Variants in RPRD1A observed in about 807,000 individuals in gnomAD.
RPRD1A encodes the protein regulation of nuclear pre-mRNA domain containing 1A, also known as regulation of nuclear pre-mRNA domain-containing protein 1A.
RPRD1A carries 9 observed loss-of-function variants against 37.8 expected under a neutral mutation model. The observed-to-expected ratio is 0.24, with a 90% CI of 0.14 to 0.42. The LOEUF (loss-of-function observed/expected upper bound fraction) is 0.42, where lower values mean the gene tolerates loss of function less well. RPRD1A is among the 10% of genes least tolerant of loss of function. The pLI, the probability that RPRD1A is intolerant of heterozygous loss-of-function variation, is 1.00. For synonymous variants in RPRD1A, 138 were observed against 139.7 expected (o/e 0.99, Z 0.08); for missense variants, 255 against 371.0 (o/e 0.69, Z 2.57).
chr18:36,056,592 T>C (rs1913786470), intron 1 of RPRD1A, among the ~76,000 whole-genome samples: 1 of 151,882 alleles, frequency 6.6e-6, no homozygotes, highest in Non-Finnish European at 1.5e-5. Flanking sequence ...CCAGCCTTTT[T>C]TGCCTTTTAA....
At chr18:36,024,388 T>C (rs1738434404) in intron 6 of RPRD1A, among the ~76,000 whole-genome samples, 1 of 150,406 alleles carries the variant, frequency 6.6e-6, no homozygotes, top group Admixed American at 6.7e-5. Context: ...ACTCCTGACC[T>C]CAAGTGATTC....
chr18:36,058,549 G>A (rs1235495735), intron 1 of RPRD1A, among the ~76,000 whole-genome samples: 6 of 152,090 alleles, frequency 3.9e-5, no homozygotes, highest in African/African-American at 1.4e-4. Flanking sequence ...TAACGTCACA[G>A]GAAAGAGAAC....
intron 1 of RPRD1A, 123 bp downstream of exon 1, chr18:36,067,131 C>G: frequency 9.5e-7 from 1 of 1,048,380 alleles, no homozygotes; most frequent in Non-Finnish European, 1.4e-6. Flanking sequence ...TCCAAGCCCG[C>G]AGACCACCGC....
intron 6 of RPRD1A, among the ~76,000 whole-genome samples, chr18:36,020,102 G>GC (rs1385696934): frequency 1.3e-5 from 2 of 152,182 alleles, no homozygotes; most frequent in Non-Finnish European, 2.9e-5. Flanking sequence ...GAGGACAGCT[G>GC]CAACAGGAAA....
intron 1 of RPRD1A, among the ~76,000 whole-genome samples, chr18:36,065,374 T>G (rs1209391869): frequency 6.6e-6 from 1 of 152,240 alleles, no homozygotes; most frequent in African/African-American, 2.4e-5. Context: ...GCAGCTCTAG[T>G]CCATTCGTGA....
rs952916769 is a variant in RPRD1A at position 36,046,308 on chromosome 18, G to A, written c.152-12471C>T. On this transcript the variant is annotated intron_variant, in intron 1 of 6. Transcript: ENST00000399022. ...GAACCTAGACTTCCAATCCCACTCA[G>A]CAATAAAGAAACACTCCCCACTGGG... is the stretch of plus-strand genomic sequence containing the variant. 2.0e-5 allele frequency among the ~76,000 whole-genome samples: 3 copies of A among 151,996 alleles called. No homozygotes were observed. The East Asian group carries it at 5.8e-4, about 29-fold the overall frequency.
chr18:36,043,603 T>G (rs1190380801), intron 1 of RPRD1A, among the ~76,000 whole-genome samples: 1 of 152,186 alleles, frequency 6.6e-6, no homozygotes, highest in African/African-American at 2.4e-5. Context: ...CACTGTCAAC[T>G]GGAACAGTTA....
At chr18:36,051,781 T>C (rs1368797304) in intron 1 of RPRD1A, among the ~76,000 whole-genome samples, 1 of 151,936 alleles carries the variant, frequency 6.6e-6, no homozygotes, top group Non-Finnish European at 1.5e-5. Context: ...TTGAAGACAA[T>C]TAAAATTATT....
intron 4 of RPRD1A, among the ~76,000 whole-genome samples, chr18:36,028,882 T>C (rs1359663760): frequency 6.6e-6 from 1 of 152,226 alleles, no homozygotes; most frequent in Non-Finnish European, 1.5e-5. Flanking sequence ...GAGAGGCAGA[T>C]GATTACTTAA....
At chr18:36,006,478 G>C (rs1369413173) in intron 6 of RPRD1A, among the ~76,000 whole-genome samples, 1 of 152,244 alleles carries the variant, frequency 6.6e-6, no homozygotes, top group African/African-American at 2.4e-5. Flanking sequence ...TTACAGGCAT[G>C]AGCCACTGTG....
At chr18:36,022,975 A>T (rs771387690) in intron 6 of RPRD1A, among the ~76,000 whole-genome samples, 89 of 152,284 alleles carry the variant, frequency 5.8e-4, no homozygotes, top group Middle Eastern at 6.8e-3. Context: ...TAACAATAAT[A>T]AAAAATTACT....
At chr18:36,046,279 T>C (rs932963089) in intron 1 of RPRD1A, among the ~76,000 whole-genome samples, 1 of 151,968 alleles carries the variant, frequency 6.6e-6, no homozygotes, top group African/African-American at 2.4e-5. Flanking sequence ...GAAAGCAAAG[T>C]AGGGAACCTA....
At chr18:36,062,323 CAA>C (rs752980996) in intron 1 of RPRD1A, among the ~76,000 whole-genome samples, 1 of 40,632 alleles carries the variant, frequency 2.5e-5, no homozygotes, top group Non-Finnish European at 4.7e-5. Flanking sequence ...GACTCCGTCT[CAA>C]AAAAAAAAAA....
intron 1 of RPRD1A, among the ~76,000 whole-genome samples, chr18:36,051,172 G>C (rs953394722): frequency 6.6e-6 from 1 of 152,098 alleles, no homozygotes; most frequent in African/African-American, 2.4e-5. Context: ...TTAATGATTA[G>C]GTGCTACTGG....
chr18:35,993,136 A>C lies in RPRD1A; in HGVS notation c.*15T>G. Reference sequence around the variant, plus strand: ...TCTCTTGCAAAGTCCTGGGACCTGGAAAGAGGCTGGTCCATCAATCTTCAC... The same window carrying C: ...TCTCTTGCAAAGTCCTGGGACCTGGCAAGAGGCTGGTCCATCAATCTTCAC... On this transcript the variant is annotated 3_prime_UTR_variant, in exon 7 of 7. Transcript: ENST00000399022. The C allele has an allele frequency of 6.2e-7, 1 of 1,611,728 alleles. No individual in the cohort carries two copies. Among genetic ancestry groups the C allele is most frequent in the Non-Finnish European group, 8.5e-7 (1 of 1,178,732 alleles).
intron 4 of RPRD1A, among the ~76,000 whole-genome samples, chr18:36,030,028 G>A (rs1011622360): frequency 6.6e-6 from 1 of 151,066 alleles, no homozygotes; most frequent in Non-Finnish European, 1.5e-5. Flanking sequence ...GGATGGTCTC[G>A]ATCTCCTGAC....
At chr18:36,019,769 G>A (rs1217433462) in intron 6 of RPRD1A, among the ~76,000 whole-genome samples, 4 of 152,188 alleles carry the variant, frequency 2.6e-5, no homozygotes, top group Non-Finnish European at 5.9e-5. Context: ...GCCGGGTGTG[G>A]TGGCTCACGC....
chr18:36,058,621 G>A (rs550762484), intron 1 of RPRD1A, among the ~76,000 whole-genome samples: 1 of 152,172 alleles, frequency 6.6e-6, no homozygotes, highest in East Asian at 1.9e-4. Flanking sequence ...TGCTTTTCTG[G>A]GGAATTAATA....
chr18:36,005,811 G>C (rs1909710685), intron 6 of RPRD1A, among the ~76,000 whole-genome samples: 1 of 151,996 alleles, frequency 6.6e-6, no homozygotes, highest in Admixed American at 6.6e-5. Context: ...CATCCAAGCA[G>C]GAATTAACTT....
Sources: gnomAD v4.1 joint callset for allele counts (sites outside exome capture counted in the v4.1 genomes callset) on GRCh38, gnomAD v4.1.1 for gene constraint, MANE v1.5 for transcripts, NCBI Gene and HGNC (gene_info 2026-07-23, HGNC 2026-07-21) for gene names.